HDAC9: variants seen among roughly 807,000 people sequenced by gnomAD.
HDAC9 encodes histone deacetylase 9.
In HDAC9, 41 loss-of-function variants were observed where a neutral mutation model predicts 139.4. That is an observed-to-expected ratio of 0.29 (90% CI 0.23 to 0.38). HDAC9 has a LOEUF of 0.38. HDAC9 is among the 10% of genes least tolerant of loss of function. The pLI, the probability that HDAC9 is intolerant of heterozygous loss-of-function variation, is 1.00. For missense variants in HDAC9, 1,147 were observed against 1,297.0 expected, an observed-to-expected ratio of 0.88 and a Z score of 1.78; for synonymous variants, 517 against 476.2, an observed-to-expected ratio of 1.09 and a Z score of -1.12.
intron 21 of HDAC9, among the ~76,000 whole-genome samples, chr7:18,843,663 T>C (rs1796727712): frequency 8.4e-6 from 1 of 118,972 alleles, no homozygotes; most frequent in African/African-American, 5.4e-5. Flanking sequence ...TAGAGTGAAT[T>C]TTTTTTTTTG....
At chr7:18,439,377 A>C (rs1010092223) in intron 1 of HDAC9, among the ~76,000 whole-genome samples, 1 of 152,182 alleles carries the variant, frequency 6.6e-6, no homozygotes, top group African/African-American at 2.4e-5. Flanking sequence ...TGAAATGCTT[A>C]ATATTGTTTA....
chr7:18,106,515 C>T (rs767733518), intron 1 of HDAC9, among the ~76,000 whole-genome samples: 14 of 152,024 alleles, frequency 9.2e-5, no homozygotes, highest in African/African-American at 2.4e-4. Flanking sequence ...TGCAGTGGTG[C>T]GATCTTAGCT....
chr7:18,668,052 C>T, intron 12 of HDAC9: 5 of 979,196 alleles, frequency 5.1e-6, no homozygotes, highest in Non-Finnish European at 6.1e-6. Context: ...CAAATGTAGA[C>T]ATTGTTCAAC....
intron 2 of HDAC9, among the ~76,000 whole-genome samples, chr7:18,568,026 G>GTGTGTATATATATATATA (rs1384273199): frequency 2.4e-5 from 3 of 126,814 alleles, no homozygotes; most frequent in Admixed American, 8.1e-5. Flanking sequence ...ATATGTATAT[G>GTGTGTATATATATATATA]TATATATATA....
chr7:18,733,613 A>T (rs938935578), intron 13 of HDAC9, among the ~76,000 whole-genome samples: 1 of 151,064 alleles, frequency 6.6e-6, no homozygotes, highest in Non-Finnish European at 1.5e-5. Flanking sequence ...TAACATAAAC[A>T]TTAATGTAGA....
At chr7:18,946,207 C>T (rs935912171) in intron 23 of HDAC9, among the ~76,000 whole-genome samples, 6 of 151,910 alleles carry the variant, frequency 3.9e-5, no homozygotes, top group Non-Finnish European at 7.4e-5. Flanking sequence ...TTTTATAAAA[C>T]GTCTTGATAT....
At chr7:18,446,732 T>C (rs1261374180) in intron 1 of HDAC9, among the ~76,000 whole-genome samples, 5 of 152,298 alleles carry the variant, frequency 3.3e-5, no homozygotes, top group Admixed American at 2.6e-4. Flanking sequence ...CCAAGTGTCA[T>C]TGAGAACAAC....
intron 13 of HDAC9, among the ~76,000 whole-genome samples, chr7:18,733,336 T>C (rs945146976): frequency 4.0e-5 from 6 of 150,392 alleles, no homozygotes; most frequent in Non-Finnish European, 5.9e-5. Context: ...TATATATGTG[T>C]ATGTGTGTGT....
intron 1 of HDAC9, among the ~76,000 whole-genome samples, chr7:18,459,944 C>CTTT (rs773866817): frequency 3.1e-5 from 4 of 129,350 alleles, no homozygotes; most frequent in African/African-American, 8.5e-5. Context: ...TACAGATTTG[C>CTTT]TTTTTTTTTT....
chr7:18,175,602 C>A (rs1562709730), intron 2 of HDAC9, among the ~76,000 whole-genome samples: 1 of 152,094 alleles, frequency 6.6e-6, no homozygotes, highest in Admixed American at 6.6e-5. Context: ...ACGGACCAGT[C>A]CATAGTTTTA....
At chr7:18,408,368 C>G (rs958706622) in intron 1 of HDAC9, among the ~76,000 whole-genome samples, 1 of 152,154 alleles carries the variant, frequency 6.6e-6, no homozygotes, top group Non-Finnish European at 1.5e-5. Context: ...GTGTCTGTCT[C>G]TTGGCCTTTG....
intron 21 of HDAC9, among the ~76,000 whole-genome samples, chr7:18,856,168 G>T (rs770693564): frequency 2.0e-5 from 3 of 152,008 alleles, no homozygotes. Flanking sequence ...TGAGAGATAC[G>T]GCATCATAGG....
intron 24 of HDAC9, among the ~76,000 whole-genome samples, chr7:18,964,454 A>G (rs1661232680): frequency 6.6e-6 from 1 of 152,196 alleles, no homozygotes; most frequent in Non-Finnish European, 1.5e-5. Context: ...CATTTGATTA[A>G]TGGCAACCTG....
intron 1 of HDAC9, among the ~76,000 whole-genome samples, chr7:18,307,097 T>TTGTGTGTGTGTGTGTGTGTG: frequency 7.4e-6 from 1 of 134,876 alleles, no homozygotes; most frequent in East Asian, 2.2e-4. Context: ...AGGGCAGTTC[T>TTGTGTGTGTGTGTGTGTGTG]TGTGTGTGTG....
intron 1 of HDAC9, among the ~76,000 whole-genome samples, chr7:18,127,502 G>A (rs1784742456): frequency 6.6e-6 from 1 of 151,912 alleles, no homozygotes; most frequent in African/African-American, 2.4e-5. Context: ...TGCTTCTTTA[G>A]TTTGCAGTTT....
At chr7:18,129,920 A>G (rs887786395) in intron 1 of HDAC9, among the ~76,000 whole-genome samples, 1 of 152,142 alleles carries the variant, frequency 6.6e-6, no homozygotes. Flanking sequence ...CCACTCTAGA[A>G]TGGATATATT....
At position 18,438,870 on chromosome 7, in the gene HDAC9, A is replaced by T. The variant is rs547885132; in HGVS notation, c.-41-57392A>T. ...GGACTAAACTTTTAATAATATTTTT[A>T]AAACCAACAGAAATTATAAATTATC... is the stretch of plus-strand genomic sequence containing the variant. On this transcript the variant is annotated intron_variant, in intron 1 of 3. Coordinates refer to the HDAC9 transcript ENST00000413509. Among the ~76,000 whole-genome samples, 9 of 152,332 alleles carry T rather than the reference A, an allele frequency of 5.9e-5. No homozygotes were observed. In the South Asian group the frequency reaches 1.7e-3, roughly 28 times the overall value.
chr7:18,503,991 AC>A (rs1458743223), intron 2 of HDAC9, among the ~76,000 whole-genome samples: 3 of 152,202 alleles, frequency 2.0e-5, no homozygotes, highest in Admixed American at 6.5e-5. Context: ...AGTAAATTTC[AC>A]TGAGTTTTCA....
intron 1 of HDAC9, among the ~76,000 whole-genome samples, chr7:18,368,396 C>T (rs983512101): frequency 2.0e-5 from 3 of 152,060 alleles, no homozygotes; most frequent in South Asian, 2.1e-4. Context: ...AACCGGTGAT[C>T]GGCAGTGCCA....
Sources: allele counts gnomAD v4.1 joint callset (sites outside exome capture counted in the v4.1 genomes callset), GRCh38; gene constraint gnomAD v4.1.1; transcripts MANE v1.5; gene names NCBI Gene and HGNC (gene_info 2026-07-23, HGNC 2026-07-21).